Variants in CDH4 observed in about 807,000 individuals in gnomAD.
The protein encoded by CDH4 is cadherin 4.
Under a neutral mutation model 86.0 loss-of-function variants are expected in CDH4, and 33 were observed. That is an observed-to-expected ratio of 0.38 (90% CI 0.29 to 0.51). The LOEUF is 0.51. Ranked by LOEUF, CDH4 falls within the 20% of genes least tolerant of loss-of-function variation. The pLI, the probability that CDH4 is intolerant of heterozygous loss-of-function variation, is 0.86. For synonymous variants in CDH4, 555 were observed against 549.4 expected (o/e 1.01, Z -0.14); for missense variants, 1,114 against 1,307.4 (o/e 0.85, Z 2.28).
chr20:61,861,497 G>A (rs1983319895), intron 6 of CDH4, among the ~76,000 whole-genome samples: 1 of 152,126 alleles, frequency 6.6e-6, no homozygotes, highest in African/African-American at 2.4e-5. Context: ...TCTCCTGAAC[G>A]CCCCTGCTAA....
At chr20:61,530,965 A>C (rs2085947157) in intron 2 of CDH4, among the ~76,000 whole-genome samples, 1 of 152,162 alleles carries the variant, frequency 6.6e-6, no homozygotes, top group African/African-American at 2.4e-5. Flanking sequence ...TATCTATGCC[A>C]ATAGTTCATC....
At chr20:61,678,362 G>C (rs1451728047) in intron 2 of CDH4, among the ~76,000 whole-genome samples, 1 of 152,166 alleles carries the variant, frequency 6.6e-6, no homozygotes, top group East Asian at 1.9e-4. Flanking sequence ...ATAGACATGG[G>C]TATATAGAAG....
chr20:61,647,701 G>A (rs2087080243), intron 2 of CDH4, among the ~76,000 whole-genome samples: 1 of 152,034 alleles, frequency 6.6e-6, no homozygotes, highest in African/African-American at 2.4e-5. Context: ...GTGGAGAAGA[G>A]CCAGGCTGGT....
intron 2 of CDH4, chr20:61,436,598 A>C (rs2085283940): frequency 6.6e-6 from 1 of 152,474 alleles, no homozygotes. Flanking sequence ...TCCTTCCAGC[A>C]CATCCATCTG....
intron 2 of CDH4, among the ~76,000 whole-genome samples, chr20:61,737,878 G>T (rs552886295): frequency 6.6e-6 from 1 of 152,344 alleles, no homozygotes; most frequent in Admixed American, 6.5e-5. Flanking sequence ...CAAGGTCACA[G>T]AGACAGGAGG....
chr20:61,483,272 C>T (rs149205641), intron 2 of CDH4, among the ~76,000 whole-genome samples: 189 of 152,154 alleles, frequency 1.2e-3, no homozygotes, highest in African/African-American at 4.2e-3. Flanking sequence ...GAGGAGAATC[C>T]CAGACATAAC....
At chr20:61,480,000 C>G (rs1235599831) in intron 2 of CDH4, among the ~76,000 whole-genome samples, 1 of 152,116 alleles carries the variant, frequency 6.6e-6, no homozygotes, top group Non-Finnish European at 1.5e-5. Flanking sequence ...TTTTTCATTT[C>G]AGACCTTATA....
At chr20:61,655,181 G>T (rs1051863638) in intron 2 of CDH4, among the ~76,000 whole-genome samples, 3 of 152,196 alleles carry the variant, frequency 2.0e-5, no homozygotes, top group Non-Finnish European at 4.4e-5. Flanking sequence ...ATGTCTGCTT[G>T]TGTGTATTTC....
chr20:61,306,135 T>G (rs2084416038), intron 2 of CDH4, among the ~76,000 whole-genome samples: 1 of 152,182 alleles, frequency 6.6e-6, no homozygotes, highest in Non-Finnish European at 1.5e-5. Flanking sequence ...CTTCCTTGCT[T>G]AGGGTTTCAT....
intron 2 of CDH4, among the ~76,000 whole-genome samples, chr20:61,412,793 A>T (rs2145492724): frequency 6.6e-6 from 1 of 152,250 alleles, no homozygotes; most frequent in South Asian, 2.1e-4. Context: ...GTCCAATGAA[A>T]TGGAATGTTC....
chr20:61,589,471 C>A (rs116275992), intron 2 of CDH4, among the ~76,000 whole-genome samples: 2,233 of 152,292 alleles, frequency 0.015, 48 homozygotes, highest in African/African-American at 0.042. Flanking sequence ...AGATGCTTTT[C>A]TGCTAGAAAA....
intron 2 of CDH4, among the ~76,000 whole-genome samples, chr20:61,603,108 G>T (rs1172595617): frequency 6.6e-6 from 1 of 152,200 alleles, no homozygotes; most frequent in Non-Finnish European, 1.5e-5. Context: ...TAGTTCAAGA[G>T]GTGGCTAAAC....
chr20:61,270,216 A>T (rs78249738), intron 2 of CDH4, among the ~76,000 whole-genome samples: 2,903 of 152,326 alleles, frequency 0.019, 97 homozygotes, highest in African/African-American at 0.066. Context: ...TTTATTAATC[A>T]GGTGTTGGTA....
rs75365788 is a variant in CDH4, at chr20:61,531,499, A to G, written c.170-212064A>G. 3.4e-5 allele frequency among the ~76,000 whole-genome samples: 5 copies of G among 145,726 alleles called. No homozygotes were observed. In the East Asian group the frequency reaches 1.0e-3, roughly 30 times the overall value. On this transcript the variant is annotated intron_variant, in intron 2 of 15. Coordinates refer to ENST00000614565, the MANE Select transcript of CDH4 (RefSeq NM_001794.5). ...AAAAAAAAAAAAAAAAAAAAAAGGG[A>G]TTTAGCAAAAGGATTTACTTCCATT...
intron 2 of CDH4, among the ~76,000 whole-genome samples, chr20:61,596,623 T>C (rs1046163325): frequency 1.3e-5 from 2 of 152,228 alleles, no homozygotes; most frequent in Non-Finnish European, 2.9e-5. Context: ...TGACGGGTTG[T>C]ACCACATCTT....
At chr20:61,652,934 A>ATTTTTT (rs1378064808) in intron 2 of CDH4, among the ~76,000 whole-genome samples, 3 of 103,080 alleles carry the variant, frequency 2.9e-5, no homozygotes, top group Non-Finnish European at 6.7e-5. Context: ...TTATTTATTT[A>ATTTTTT]TTTATTTTTT....
chr20:61,389,470 C>T (rs2084969277), intron 2 of CDH4, among the ~76,000 whole-genome samples: 1 of 152,212 alleles, frequency 6.6e-6, no homozygotes, highest in Non-Finnish European at 1.5e-5. Context: ...ATGCCTGGCA[C>T]ACAGTAGGTG....
At chr20:61,863,786 T>C (rs1387291986) in intron 6 of CDH4, among the ~76,000 whole-genome samples, 1 of 152,130 alleles carries the variant, frequency 6.6e-6, no homozygotes, top group Non-Finnish European at 1.5e-5. Flanking sequence ...TGCAGAGCCA[T>C]GAGGCTGGGA....
intron 2 of CDH4, among the ~76,000 whole-genome samples, chr20:61,644,414 C>T (rs944264): frequency 0.19 from 28,552 of 152,178 alleles, 2,782 homozygotes; most frequent in South Asian, 0.28. Context: ...CCAGTGAACC[C>T]GCCTGGTGCC....
Sources: gnomAD v4.1 joint callset for allele counts (sites outside exome capture counted in the v4.1 genomes callset) on GRCh38, gnomAD v4.1.1 for gene constraint, MANE v1.5 for transcripts, NCBI Gene and HGNC (gene_info 2026-07-23, HGNC 2026-07-21) for gene names.